The following LONP2 variants were observed in gnomAD, a reference collection of about 807,000 sequenced individuals.
LONP2 encodes the protein lon peptidase 2, peroxisomal.
LONP2 carries 60 observed loss-of-function variants against 85.6 expected under a neutral mutation model. That is an observed-to-expected ratio of 0.70 (90% CI 0.57 to 0.87). The LOEUF is 0.87. LONP2 is among the 40% of genes least tolerant of loss of function. The pLI, the probability that LONP2 is intolerant of heterozygous loss-of-function variation, is 0.00. For synonymous variants in LONP2, 395 were observed against 389.7 expected (o/e 1.01, Z -0.16); for missense variants, 860 against 1,063.5 (o/e 0.81, Z 2.66).
chr16:48,352,467 ACT>A lies in LONP2; in HGVS notation c.*668_*669del, dbSNP rs1007077155. The A allele has an allele frequency of 3.3e-5, 5 of 151,990 alleles. No homozygotes were observed. The highest frequency in any genetic ancestry group is 9.7e-5 in the African/African-American group (4 of 41,370). The allele number at this position is 151,990 out of a possible 1,614,324, so 9.4% of individuals were successfully genotyped here. Reference sequence around the variant, plus strand: ...CAAGACAATCCTGGCCAACGGCGAAACTCTGTCTCTACAAAAAATATACAGGC... The same window carrying A: ...CAAGACAATCCTGGCCAACGGCGAAACTGTCTCTACAAAAAATATACAGGC... On this transcript the variant is annotated 3_prime_UTR_variant, in exon 15 of 15. Transcript: ENST00000285737.
intron 14 of LONP2, among the ~76,000 whole-genome samples, chr16:48,350,536 A>G (rs762557106): frequency 7.9e-5 from 12 of 152,236 alleles, no homozygotes; most frequent in Admixed American, 7.9e-4. Context: ...TGAAGAAGGT[A>G]CTTTGAAGGA....
At chr16:48,268,393 A>G (rs1211598914) in intron 6 of LONP2, among the ~76,000 whole-genome samples, 1 of 152,232 alleles carries the variant, frequency 6.6e-6, no homozygotes, top group East Asian at 1.9e-4. Context: ...ATAACGCATT[A>G]TAACAAGTAC....
intron 8 of LONP2, among the ~76,000 whole-genome samples, chr16:48,295,499 C>T (rs539009266): frequency 1.3e-5 from 2 of 152,282 alleles, no homozygotes; most frequent in Admixed American, 1.3e-4. Context: ...TCTTATTTAA[C>T]TCATAGCAAA....
At chr16:48,283,448 G>GGTGACTTTAAGATGAAGCCA (rs1280418997) in intron 8 of LONP2, among the ~76,000 whole-genome samples, 2 of 152,124 alleles carry the variant, frequency 1.3e-5, no homozygotes, top group Admixed American at 1.3e-4. Context: ...TAATGCAGCT[G>GGTGACTTTAAGATGAAGCCA]GTGACTTTAA....
In LONP2 at chr16:48,274,274, T is replaced by G. The variant is rs138680039; in HGVS notation, c.1242-3064T>G. Among the ~76,000 whole-genome samples, 839 of 152,226 alleles carry G rather than the reference T, an allele frequency of 5.5e-3. 8 individuals carry two copies. The highest frequency in any genetic ancestry group is 0.02 in the African/African-American group (815 of 41,538). ...GCCTCTGGCATTTCTACCATACAAC[T>G]GTGGAGATGAAACATAAATACGTTT... On this transcript the variant is annotated intron_variant, in intron 7 of 14. Coordinates refer to ENST00000285737, the MANE Select transcript of LONP2 (RefSeq NM_031490.5).
At chr16:48,332,263 G>A (rs897053520) in intron 11 of LONP2, among the ~76,000 whole-genome samples, 1 of 152,174 alleles carries the variant, frequency 6.6e-6, no homozygotes, top group African/African-American at 2.4e-5. Context: ...AAGAACCATA[G>A]CGAAACTAAA....
downstream of LONP2, among the ~76,000 whole-genome samples, chr16:48,359,519 C>T (rs1382736739): frequency 6.6e-6 from 1 of 152,016 alleles, no homozygotes; most frequent in African/African-American, 2.4e-5. Flanking sequence ...AGATTGAGAA[C>T]ATCTTGGCCA....
At chr16:48,302,315 C>T (rs1972824184) in intron 10 of LONP2, among the ~76,000 whole-genome samples, 1 of 152,156 alleles carries the variant, frequency 6.6e-6, no homozygotes, top group Admixed American at 6.5e-5. Flanking sequence ...GAGTGTTTAG[C>T]TAAGAGCTTT....
chr16:48,337,219 T>G (rs963048742), intron 12 of LONP2, among the ~76,000 whole-genome samples: 4 of 152,358 alleles, frequency 2.6e-5, no homozygotes, highest in Non-Finnish European at 5.9e-5. Context: ...CAGTACCCTG[T>G]CAGGCCAAAA....
chr16:48,290,678 C>A (rs1390546560), intron 8 of LONP2, among the ~76,000 whole-genome samples: 1 of 152,228 alleles, frequency 6.6e-6, no homozygotes, highest in Admixed American at 6.5e-5. Context: ...CCAGTGAAGT[C>A]AGGGTCCACC....
chr16:48,277,551 A>G, intron 8 of LONP2, 72 bp downstream of exon 8: 1 of 1,479,200 alleles, frequency 6.8e-7, no homozygotes, highest in Non-Finnish European at 9.3e-7. Flanking sequence ...ATCATATTCA[A>G]GTGATATACA....
chr16:48,303,449 T>C (rs1319020098), intron 11 of LONP2, 144 bp downstream of exon 11: 2 of 837,490 alleles, frequency 2.4e-6, no homozygotes, highest in South Asian at 3.4e-5. Flanking sequence ...CAGTAAGTAA[T>C]ACCTTAATGT....
intron 6 of LONP2, among the ~76,000 whole-genome samples, chr16:48,268,585 G>T (rs1772047864): frequency 6.6e-6 from 1 of 152,138 alleles, no homozygotes; most frequent in Non-Finnish European, 1.5e-5. Context: ...AAAAAGATTT[G>T]TCTGAGGTTT....
intron 11 of LONP2, among the ~76,000 whole-genome samples, chr16:48,312,033 T>C (rs1460389423): frequency 6.6e-6 from 1 of 151,998 alleles, no homozygotes; most frequent in Non-Finnish European, 1.5e-5. Flanking sequence ...CTCCACCTCC[T>C]GGGTTCAAGT....
chr16:48,310,106 A>G (rs1227771137), intron 11 of LONP2, among the ~76,000 whole-genome samples: 1 of 151,560 alleles, frequency 6.6e-6, no homozygotes. Flanking sequence ...TTTATCTAAT[A>G]TAAGTATAGT....
At chr16:48,294,448 A>G (rs899522772) in intron 8 of LONP2, among the ~76,000 whole-genome samples, 1 of 152,220 alleles carries the variant, frequency 6.6e-6, no homozygotes, top group Non-Finnish European at 1.5e-5. Flanking sequence ...CAAAATTCAG[A>G]ATTATGTATG....
chr16:48,256,493 T>G lies in LONP2; in HGVS notation c.469-117T>G, dbSNP rs113871574. The G allele has an allele frequency of 6.3e-5, 63 of 1,005,504 alleles. No homozygotes were observed. In the African/African-American group the frequency reaches 9.1e-4, roughly 15 times the overall value. 62.3% of individuals were successfully genotyped at this position (1,005,504 alleles called of 1,614,324 possible). On this transcript the variant is annotated intron_variant, in intron 2 of 14. Transcript: ENST00000285737. ...AAAATACGTGGACTATATTAATCAG[T>G]GATCTTTCAAAAACAAAGACTGAGG...
intron 13 of LONP2, 64 bp from the exon 14 acceptor site, chr16:48,348,036 T>C: frequency 7.0e-7 from 1 of 1,437,416 alleles, no homozygotes; most frequent in Admixed American, 2.3e-5. Context: ...GTGACTTTTT[T>C]TTTAGGAGAA....
chr16:48,337,017 A>G (rs1478117479), intron 12 of LONP2, among the ~76,000 whole-genome samples: 1 of 152,204 alleles, frequency 6.6e-6, no homozygotes, highest in Non-Finnish European at 1.5e-5. Flanking sequence ...TAAAATTAAG[A>G]TTTATGGAAC....
Sources: allele counts gnomAD v4.1 joint callset (sites outside exome capture counted in the v4.1 genomes callset), GRCh38; gene constraint gnomAD v4.1.1; transcripts MANE v1.5; gene names NCBI Gene and HGNC (gene_info 2026-07-23, HGNC 2026-07-21).